Variants in TMEM178B observed in about 807,000 individuals in gnomAD.
TMEM178B encodes transmembrane protein 178B.
A neutral mutation model predicts 31.0 loss-of-function variants in TMEM178B; 5 were observed. The observed-to-expected ratio is 0.16, with a 90% CI of 0.08 to 0.34. The LOEUF (loss-of-function observed/expected upper bound fraction) is 0.34. Among genes scored for constraint, TMEM178B ranks in the 10% least tolerant of loss-of-function variants. The pLI is 1.00. For missense variants in TMEM178B, 275 were observed against 400.3 expected, an observed-to-expected ratio of 0.69 and a Z score of 2.67; for synonymous variants, 164 against 164.0, an observed-to-expected ratio of 1.00 and a Z score of 0.00.
At chr7:141,219,328 A>C (rs1797216597) in intron 2 of TMEM178B, among the ~76,000 whole-genome samples, 2 of 152,276 alleles carry the variant, frequency 1.3e-5, no homozygotes, top group Middle Eastern at 6.8e-3. Context: ...CAGCCTAATG[A>C]GGTAAACATC....
intron 2 of TMEM178B, among the ~76,000 whole-genome samples, chr7:141,410,594 A>G (rs1414255880): frequency 6.7e-6 from 1 of 149,734 alleles, no homozygotes; most frequent in East Asian, 2.0e-4. Context: ...GGTTGTAATA[A>G]TCCACCTACA....
rs1361438722 is a variant in TMEM178B, at chr7:141,477,335, C to A, written c.*6549C>A. ...GATTAAACAAATGCAATGATGTAGC[C>A]CTTAGTTTTCTGAGGACTTCTGTGG... On this transcript the variant is annotated 3_prime_UTR_variant, in exon 4 of 4. Coordinates refer to ENST00000565468, the MANE Select transcript of TMEM178B (RefSeq NM_001195278.2). 1.3e-5 allele frequency: 2 copies of A among 154,254 alleles called. No homozygotes were observed. The highest frequency in any genetic ancestry group is 3.8e-4 in the East Asian group (2 of 5,198). The allele number at this position is 154,254 out of a possible 1,614,324, so 9.6% of individuals were successfully genotyped here. A position where few individuals can be genotyped will look rare whatever the true frequency, so the allele number is the denominator to read the frequency against.
intron 3 of TMEM178B, among the ~76,000 whole-genome samples, chr7:141,441,772 A>G (rs1801663498): frequency 6.6e-6 from 1 of 152,222 alleles, no homozygotes; most frequent in African/African-American, 2.4e-5. Context: ...TTCCAATATG[A>G]AGGAAGATGG....
At chr7:141,407,907 A>G (rs535014715) in intron 2 of TMEM178B, among the ~76,000 whole-genome samples, 16 of 152,330 alleles carry the variant, frequency 1.1e-4, no homozygotes, top group African/African-American at 3.4e-4. Flanking sequence ...CATGTATATG[A>G]TGCTTTAAAG....
intron 1 of TMEM178B, among the ~76,000 whole-genome samples, chr7:141,203,446 C>T (rs980883790): frequency 2.0e-5 from 3 of 152,204 alleles, no homozygotes; most frequent in Non-Finnish European, 2.9e-5. Flanking sequence ...ACATTGTCAC[C>T]GTGGAAAGGT....
intron 1 of TMEM178B, among the ~76,000 whole-genome samples, chr7:141,134,425 T>C: frequency 1.3e-5 from 2 of 152,064 alleles, no homozygotes; most frequent in East Asian, 3.8e-4. Context: ...ACCACTAGAC[T>C]GAACCTACAA....
intron 2 of TMEM178B, among the ~76,000 whole-genome samples, chr7:141,253,039 C>T (rs1797860905): frequency 6.6e-6 from 1 of 152,206 alleles, no homozygotes; most frequent in Non-Finnish European, 1.5e-5. Context: ...GTGCACATGC[C>T]CCGCCCTCTG....
chr7:141,116,355 A>AG (rs1435674645), intron 1 of TMEM178B, among the ~76,000 whole-genome samples: 1 of 152,084 alleles, frequency 6.6e-6, no homozygotes, highest in Non-Finnish European at 1.5e-5. Flanking sequence ...TGGAGGTGAA[A>AG]GGGAAAAAGA....
chr7:141,388,857 A>C (rs10245979), intron 2 of TMEM178B, among the ~76,000 whole-genome samples: 13,387 of 151,422 alleles, frequency 0.088, 732 homozygotes, highest in African/African-American at 0.14. Flanking sequence ...GAGTTAAATC[A>C]AATAACCTGG....
At chr7:141,305,411 T>G (rs1798799875) in intron 2 of TMEM178B, among the ~76,000 whole-genome samples, 1 of 152,246 alleles carries the variant, frequency 6.6e-6, no homozygotes, top group East Asian at 1.9e-4. Flanking sequence ...CTATTGCAGA[T>G]TAGGCCCTGT....
intron 2 of TMEM178B, among the ~76,000 whole-genome samples, chr7:141,377,852 A>G (rs1800246479): frequency 6.6e-6 from 1 of 152,232 alleles, no homozygotes; most frequent in Non-Finnish European, 1.5e-5. Flanking sequence ...GAAAGTACAG[A>G]GAGTTCCTGT....
chr7:141,181,925 A>G (rs1266453380), intron 1 of TMEM178B, among the ~76,000 whole-genome samples: 2 of 152,284 alleles, frequency 1.3e-5, no homozygotes, highest in East Asian at 3.9e-4. Context: ...TCCACCTACC[A>G]GCTTGGATCC....
chr7:141,106,300 A>G (rs1379356286), intron 1 of TMEM178B, among the ~76,000 whole-genome samples: 4 of 152,154 alleles, frequency 2.6e-5, no homozygotes, highest in African/African-American at 9.7e-5. Context: ...CTCTTTTTCT[A>G]GCTTGTGCAT....
chr7:141,110,886 A>G (rs1432894436), intron 1 of TMEM178B, among the ~76,000 whole-genome samples: 17 of 152,166 alleles, frequency 1.1e-4, no homozygotes, highest in Admixed American at 1.1e-3. Flanking sequence ...TTGTTCTCCA[A>G]CTGAGAAAAG....
chr7:141,495,048 A>G, the TMEM178B span, among the ~76,000 whole-genome samples: 1 of 152,258 alleles, frequency 6.6e-6, no homozygotes, highest in Non-Finnish European at 1.5e-5. Context: ...TAGTAAAAAT[A>G]AAAACCATGT....
chr7:141,416,011 A>T (rs1356939969), intron 2 of TMEM178B: 1 of 152,694 alleles, frequency 6.5e-6, no homozygotes, highest in Non-Finnish European at 1.5e-5. Context: ...TCACCTTTCA[A>T]TAGGGAGAAT....
chr7:141,187,940 A>C (rs1377460535), intron 1 of TMEM178B, among the ~76,000 whole-genome samples: 1 of 151,890 alleles, frequency 6.6e-6, no homozygotes, highest in Non-Finnish European at 1.5e-5. Flanking sequence ...GAAGCTCTTT[A>C]GTTTAATTAG....
At chr7:141,448,895 C>T (rs559651622) in intron 3 of TMEM178B, among the ~76,000 whole-genome samples, 9 of 152,192 alleles carry the variant, frequency 5.9e-5, no homozygotes, top group Middle Eastern at 3.4e-3. Context: ...TTCCATACCA[C>T]GGACAGACAA....
chr7:141,181,993 A>C (rs1796537557), intron 1 of TMEM178B, among the ~76,000 whole-genome samples: 1 of 152,222 alleles, frequency 6.6e-6, no homozygotes, highest in African/African-American at 2.4e-5. Context: ...ACTGGGGGTC[A>C]TTATCATTCA....
Sources: gnomAD v4.1 joint callset for allele counts (sites outside exome capture counted in the v4.1 genomes callset) on GRCh38, gnomAD v4.1.1 for gene constraint, MANE v1.5 for transcripts, NCBI Gene and HGNC (gene_info 2026-07-23, HGNC 2026-07-21) for gene names.